The following AFF1 variants were observed in gnomAD, a reference collection of about 807,000 sequenced individuals.
The protein encoded by AFF1 is ALF transcription elongation factor 1, also known as AF4/FMR2 family member 1.
In AFF1, 48 loss-of-function variants were observed where a neutral mutation model predicts 121.7. The ratio of observed to expected loss-of-function variants is 0.39; its 90% CI spans 0.31 to 0.50. The LOEUF (loss-of-function observed/expected upper bound fraction) is 0.50, where lower values mean the gene tolerates loss of function less well. Ranked by LOEUF, AFF1 falls within the 20% of genes least tolerant of loss-of-function variation. AFF1 has a pLI of 0.76. For synonymous variants in AFF1, 613 were observed against 563.0 expected (o/e 1.09, Z -1.26); for missense variants, 1,523 against 1,511.7 (o/e 1.01, Z -0.12).
chr4:87,032,477 G>A (rs1432213122), intron 2 of AFF1, among the ~76,000 whole-genome samples: 6 of 152,186 alleles, frequency 3.9e-5, no homozygotes, highest in African/African-American at 1.4e-4. Context: ...TTCTTTAAAA[G>A]CATTTGTATG....
At chr4:86,942,906 G>A (rs1720571105) in intron 1 of AFF1, among the ~76,000 whole-genome samples, 1 of 152,356 alleles carries the variant, frequency 6.6e-6, no homozygotes, top group East Asian at 1.9e-4. Flanking sequence ...TAGACTTGCT[G>A]TAGGAGAAAC....
chr4:86,985,454 T>G (rs1724171192), intron 2 of AFF1, among the ~76,000 whole-genome samples: 1 of 145,020 alleles, frequency 6.9e-6, no homozygotes, highest in African/African-American at 2.6e-5. Context: ...GAAGTTGCAG[T>G]GAGCCAAGAT....
intron 16 of AFF1, among the ~76,000 whole-genome samples, chr4:87,129,536 T>G (rs1728608820): frequency 1.3e-5 from 2 of 152,326 alleles, no homozygotes; most frequent in South Asian, 4.1e-4. Context: ...TGGTGTTGAA[T>G]AAGTATATTT....
chr4:87,083,306 A>G (rs747812291), intron 4 of AFF1, among the ~76,000 whole-genome samples: 1 of 152,212 alleles, frequency 6.6e-6, no homozygotes, highest in African/African-American at 2.4e-5. Flanking sequence ...GACAATAATT[A>G]ATCTCCTCTA....
At chr4:87,037,310 T>C (rs1356257833) in intron 2 of AFF1, among the ~76,000 whole-genome samples, 1 of 151,994 alleles carries the variant, frequency 6.6e-6, no homozygotes, top group Admixed American at 6.6e-5. Context: ...TGCTGCTTGG[T>C]GGTAGGTTGT....
At chr4:87,114,192 T>C (rs1050857425) in intron 11 of AFF1, among the ~76,000 whole-genome samples, 175 bp from the exon 12 acceptor site, 3 of 152,238 alleles carry the variant, frequency 2.0e-5, no homozygotes, top group Admixed American at 6.5e-5. Flanking sequence ...AAGGTTGCTT[T>C]AAGAGTTAAT....
At chr4:86,936,018 C>G (rs972929680) in intron 1 of AFF1, 1 of 152,098 alleles carries the variant, frequency 6.6e-6, no homozygotes, top group African/African-American at 2.4e-5. Flanking sequence ...ATTAATGGAG[C>G]TGCGACGGGC....
intron 4 of AFF1, among the ~76,000 whole-genome samples, chr4:87,063,224 A>ACC (rs1720960098): frequency 1.7e-5 from 1 of 59,018 alleles, no homozygotes; most frequent in African/African-American, 5.4e-5. Context: ...TAGTAGATTC[A>ACC]CCTCTTTTTT....
chr4:87,075,293 A>G (rs1722534615), intron 4 of AFF1, among the ~76,000 whole-genome samples: 1 of 152,142 alleles, frequency 6.6e-6, no homozygotes, highest in Non-Finnish European at 1.5e-5. Context: ...TGCTTATGAA[A>G]GAGCAATTTA....
intron 2 of AFF1, among the ~76,000 whole-genome samples, chr4:86,958,182 CT>C (rs1461305185): frequency 2.7e-5 from 4 of 150,442 alleles, no homozygotes; most frequent in African/African-American, 9.8e-5. Flanking sequence ...CAACTTCCAC[CT>C]CTCAGGTTCA....
intron 1 of AFF1, among the ~76,000 whole-genome samples, chr4:86,939,434 A>T (rs980985100): frequency 1.3e-5 from 2 of 152,230 alleles, no homozygotes; most frequent in African/African-American, 4.8e-5. Flanking sequence ...CTTTCTGATC[A>T]CTATGGGAAT....
At chr4:87,020,878 G>A in intron 2 of AFF1, 6 of 965,444 alleles carry the variant, frequency 6.2e-6, no homozygotes, top group Non-Finnish European at 6.2e-6. Context: ...TATTCTTCCA[G>A]AAGGTTTCTT....
At chr4:86,980,029 G>A (rs184884080) in intron 2 of AFF1, among the ~76,000 whole-genome samples, 18 of 152,256 alleles carry the variant, frequency 1.2e-4, no homozygotes, top group Admixed American at 1.0e-3. Flanking sequence ...TCCTGCCTCA[G>A]CCTGCCGAGT....
intron 1 of AFF1, among the ~76,000 whole-genome samples, chr4:86,947,178 G>C (rs1309530496): frequency 3.3e-5 from 5 of 152,122 alleles, no homozygotes; most frequent in Admixed American, 2.0e-4. Flanking sequence ...AACTTGCCTA[G>C]GGGGCCACTA....
chr4:86,957,800 C>T (rs1427238630), intron 2 of AFF1, among the ~76,000 whole-genome samples: 1 of 152,140 alleles, frequency 6.6e-6, no homozygotes, highest in Non-Finnish European at 1.5e-5. Flanking sequence ...CCTCAGCCTC[C>T]CAAAGTGCTG....
intron 2 of AFF1, among the ~76,000 whole-genome samples, chr4:87,017,786 A>G (rs1427586976): frequency 6.6e-6 from 1 of 152,174 alleles, no homozygotes; most frequent in African/African-American, 2.4e-5. Context: ...GGTGGTGACT[A>G]TGTGCCCTCC....
At chr4:87,067,750 T>A (rs1721509196) in intron 4 of AFF1, among the ~76,000 whole-genome samples, 1 of 152,244 alleles carries the variant, frequency 6.6e-6, no homozygotes, top group South Asian at 2.1e-4. Context: ...CATGTGTTTC[T>A]AATATGTCAG....
intron 12 of AFF1, among the ~76,000 whole-genome samples, chr4:87,116,580 T>G (rs748909208): frequency 6.6e-6 from 1 of 152,242 alleles, no homozygotes; most frequent in Non-Finnish European, 1.5e-5. Flanking sequence ...TGAAGCCTGC[T>G]GTCATGTCTG....
intron 11 of AFF1, among the ~76,000 whole-genome samples, chr4:87,110,545 T>C (rs1726385729): frequency 6.6e-6 from 1 of 151,858 alleles, no homozygotes; most frequent in African/African-American, 2.4e-5. Context: ...CTGGTAACCA[T>C]CCTTCTACTC....
Sources: allele counts gnomAD v4.1 joint callset (sites outside exome capture counted in the v4.1 genomes callset), GRCh38; gene constraint gnomAD v4.1.1; transcripts MANE v1.5; gene names NCBI Gene and HGNC (gene_info 2026-07-23, HGNC 2026-07-21).